Variants in MAD1L1 observed in about 807,000 individuals in gnomAD.
MAD1L1 encodes mitotic arrest deficient 1 like 1, also known as mitotic spindle assembly checkpoint protein MAD1.
A neutral mutation model predicts 96.9 loss-of-function variants in MAD1L1; 95 were observed. The observed-to-expected ratio is 0.98, with a 90% CI of 0.83 to 1.16. MAD1L1 has a LOEUF of 1.16. MAD1L1 is among the 50% of genes most tolerant of loss of function. The pLI is 0.00. For synonymous variants in MAD1L1, 473 were observed against 396.6 expected, an observed-to-expected ratio of 1.19 and a Z score of -2.29; for missense variants, 1,007 against 954.4, an observed-to-expected ratio of 1.06 and a Z score of -0.73.
rs999874368 is a variant in MAD1L1, at chr7:1,912,367, G to C, written c.1808-13977C>G. ...AAACTCTGGTAAAAGGAAGCAGTTG[G>C]GGTCAGAGGTGACTCCTCCTGTTTG... On this transcript the variant is annotated intron_variant, in intron 17 of 18. Transcript: ENST00000265854. Among the ~76,000 whole-genome samples the C allele has an allele frequency of 5.3e-5, 8 of 152,228 alleles. No homozygotes were observed. In the East Asian group the frequency reaches 5.8e-4, roughly 11 times the overall value.
Position 1,871,711 on chromosome 7 carries a change from GCCAACATACACCTGCCACGCTGAAC to G in MAD1L1, c.1998+26464_1998+26488del, listed in dbSNP as rs1246757632. On this transcript the variant is annotated intron_variant, in intron 18 of 18. Coordinates refer to ENST00000265854, the MANE Select transcript of MAD1L1 (RefSeq NM_001013836.2). ...CCAACATAACACCTGCCACGCTGAAGCCAACATACACCTGCCACGCTGAACCCAACATACGCCTGCCACGCTGAAC... is the reference window on the plus strand; with the variant it reads ...CCAACATAACACCTGCCACGCTGAAGCCAACATACGCCTGCCACGCTGAAC... 3.7e-3 allele frequency among the ~76,000 whole-genome samples: 405 copies of G among 108,426 alleles called. 7 individuals carry two copies. The East Asian group carries it at 0.046, about 12-fold the overall frequency. 71.1% of individuals were successfully genotyped at this position (108,426 alleles called of 152,430 possible). A position where few individuals can be genotyped will look rare whatever the true frequency, so the allele number is the denominator to read the frequency against.
intron 14 of MAD1L1, among the ~76,000 whole-genome samples, chr7:1,990,181 G>A (rs1164664729): frequency 2.6e-5 from 4 of 152,246 alleles, no homozygotes; most frequent in South Asian, 2.1e-4. Context: ...CCCGGGAGGT[G>A]GTGAGGCTGA....
In MAD1L1 at chr7:1,937,601, C is replaced by T. The variant is rs373030120; in HGVS notation, c.1597-704G>A. ...ACAGCCGCCCACAGCAGGGAACAGC[C>T]GCCCACAGCAGGGGACAGCCGCCCC... On this transcript the variant is annotated intron_variant, in intron 16 of 18. Transcript: ENST00000265854. Among the ~76,000 whole-genome samples, 35 of 151,254 alleles carry T rather than the reference C, an allele frequency of 2.3e-4. 1 individual carries two copies. The East Asian group carries it at 4.9e-3, about 21-fold the overall frequency.
chr7:2,195,362 C>G (rs1425938330), intron 10 of MAD1L1, among the ~76,000 whole-genome samples: 1 of 152,130 alleles, frequency 6.6e-6, no homozygotes, highest in Non-Finnish European at 1.5e-5. Context: ...AATTGCAATC[C>G]TAATAAAAGG....
rs572958044 is a variant in MAD1L1 at position 2,207,752 on chromosome 7, C to T, written c.986+5460G>A. On this transcript the variant is annotated intron_variant, in intron 10 of 18. Transcript: ENST00000265854. Reference sequence around the variant, plus strand: ...AAACCCAAGGAGTGGGTAGCAGGGGCCTCGTTTAACAGCCTGTCAGTCAGA... The same window carrying T: ...AAACCCAAGGAGTGGGTAGCAGGGGTCTCGTTTAACAGCCTGTCAGTCAGA... Among the ~76,000 whole-genome samples the T allele has an allele frequency of 5.3e-5, 8 of 152,308 alleles. No homozygotes were observed. In the South Asian group the frequency reaches 1.2e-3, roughly 24 times the overall value.
At chr7:1,910,032 A>G (rs1244899785) in intron 17 of MAD1L1, among the ~76,000 whole-genome samples, 1 of 152,152 alleles carries the variant, frequency 6.6e-6, no homozygotes, top group African/African-American at 2.4e-5. Context: ...ACCTTGCACA[A>G]AACTGATATG....
chr7:1,830,354 G>C (rs1782645217), intron 18 of MAD1L1, among the ~76,000 whole-genome samples: 1 of 152,154 alleles, frequency 6.6e-6, no homozygotes, highest in South Asian at 2.1e-4. Flanking sequence ...CCGAGATCGT[G>C]CCACTGCACT....
At chr7:2,100,284 C>A (rs538076702) in intron 11 of MAD1L1, among the ~76,000 whole-genome samples, 1 of 152,364 alleles carries the variant, frequency 6.6e-6, no homozygotes, top group Non-Finnish European at 1.5e-5. Flanking sequence ...CTGACTAGAT[C>A]TCCGCGTTCT....
intron 10 of MAD1L1, among the ~76,000 whole-genome samples, chr7:2,183,537 T>C (rs1054406726): frequency 1.8e-4 from 27 of 151,970 alleles, no homozygotes; most frequent in African/African-American, 6.3e-4. Flanking sequence ...ATTAAGAAAA[T>C]GTGGCACATA....
chr7:2,052,205 C>T (rs567014129), intron 12 of MAD1L1, among the ~76,000 whole-genome samples: 10 of 152,262 alleles, frequency 6.6e-5, no homozygotes, highest in African/African-American at 2.2e-4. Context: ...CCTCGCCACG[C>T]GCACAGCCAC....
In MAD1L1 at chr7:2,219,330, A is replaced by T; in HGVS notation, c.596+2T>A. 6.4e-7 allele frequency: 1 copy of T among 1,556,480 alleles called. No homozygotes were observed. Among genetic ancestry groups the T allele is most frequent in the Admixed American group, 1.9e-5 (1 of 53,828 alleles). ...CCGACCCCACACCCTGGCCCCGCCC[A>T]CTTGTGTTGCAGGTCCAGCTGCTCC... On this transcript the variant is annotated splice_donor_variant, in intron 6 of 18. Coordinates refer to ENST00000265854, the MANE Select transcript of MAD1L1 (RefSeq NM_001013836.2). LOFTEE classifies it high-confidence loss of function.
At chr7:2,086,545 G>C (rs1785927916) in intron 11 of MAD1L1, among the ~76,000 whole-genome samples, 1 of 152,170 alleles carries the variant, frequency 6.6e-6, no homozygotes, top group South Asian at 2.1e-4. Context: ...AGCCACAATT[G>C]CTCTTTTTCT....
At chr7:2,144,629 G>A (rs752383311) in intron 11 of MAD1L1, among the ~76,000 whole-genome samples, 3 of 152,142 alleles carry the variant, frequency 2.0e-5, no homozygotes, top group Non-Finnish European at 2.9e-5. Context: ...AGCTGGGGAC[G>A]CCAGGCAGAG....
At chr7:1,909,797 C>T (rs923105539) in intron 17 of MAD1L1, among the ~76,000 whole-genome samples, 3 of 152,226 alleles carry the variant, frequency 2.0e-5, no homozygotes, top group Non-Finnish European at 4.4e-5. Context: ...TCTGCTGGTA[C>T]CAGACGGCCC....
At chr7:1,944,645 G>T (rs1779147442) in intron 16 of MAD1L1, among the ~76,000 whole-genome samples, 2 of 152,242 alleles carry the variant, frequency 1.3e-5, no homozygotes, top group South Asian at 4.1e-4. Context: ...AGGCTGAAGG[G>T]GATCCCTGCC....
chr7:2,135,923 A>G (rs1788727652), intron 11 of MAD1L1, among the ~76,000 whole-genome samples: 1 of 152,224 alleles, frequency 6.6e-6, no homozygotes, highest in Admixed American at 6.5e-5. Flanking sequence ...AAGCGTGGCC[A>G]TGATCAGGAC....
intron 18 of MAD1L1, among the ~76,000 whole-genome samples, chr7:1,887,275 ATGTG>A (rs779572287): frequency 2.6e-5 from 4 of 151,572 alleles, no homozygotes; most frequent in South Asian, 4.2e-4. Context: ...GTGTGCATGC[ATGTG>A]TGTATGTGGC....
chr7:1,897,676 C>T (rs1340973254), intron 18 of MAD1L1, among the ~76,000 whole-genome samples: 1 of 152,270 alleles, frequency 6.6e-6, no homozygotes, highest in African/African-American at 2.4e-5. Context: ...CACCAGCAAA[C>T]CAGAAGAGCG....
chr7:2,123,985 G>A (rs368073551), intron 11 of MAD1L1, among the ~76,000 whole-genome samples: 5 of 152,294 alleles, frequency 3.3e-5, no homozygotes, highest in East Asian at 3.9e-4. Flanking sequence ...CTTAGGCCCC[G>A]GGGGCAAGAA....
Sources: allele counts gnomAD v4.1 joint callset (sites outside exome capture counted in the v4.1 genomes callset), GRCh38; gene constraint gnomAD v4.1.1; transcripts MANE v1.5; gene names NCBI Gene and HGNC (gene_info 2026-07-23, HGNC 2026-07-21).